CD200R1: variants seen among roughly 807,000 people sequenced by gnomAD.
CD200R1 encodes the protein cell surface glycoprotein CD200 receptor 1.
Under a neutral mutation model 38.1 loss-of-function variants are expected in CD200R1, and 30 were observed. The ratio of observed to expected loss-of-function variants is 0.79; its 90% CI spans 0.59 to 1.07. The LOEUF (loss-of-function observed/expected upper bound fraction) is 1.07. Among genes scored for constraint, CD200R1 ranks in the 50% least tolerant of loss-of-function variants. The pLI, the probability that CD200R1 is intolerant of heterozygous loss-of-function variation, is 0.00. For missense variants in CD200R1, 372 were observed against 415.4 expected (o/e 0.90, Z 0.91); for synonymous variants, 128 against 152.1 (o/e 0.84, Z 1.16).
At chr3:112,932,428 A>G (rs1228634728) in intron 2 of CD200R1, among the ~76,000 whole-genome samples, 2 of 152,036 alleles carry the variant, frequency 1.3e-5, no homozygotes, top group African/African-American at 4.8e-5. Flanking sequence ...CCTGAAGGGG[A>G]GAGGACCCAG....
intron 6 of CD200R1, 83 bp from the exon 7 acceptor site, chr3:112,924,618 T>C (rs986632012): frequency 1.3e-6 from 1 of 795,578 alleles, no homozygotes; most frequent in East Asian, 3.9e-5. Context: ...AGTATACTAT[T>C]GACAATTGTG....
intron 1 of CD200R1, among the ~76,000 whole-genome samples, chr3:112,955,641 T>G (rs1040095050): frequency 3.9e-5 from 6 of 151,958 alleles, no homozygotes; most frequent in African/African-American, 1.5e-4. Flanking sequence ...CCCGAGTAGC[T>G]GGGATTACAG....
chr3:112,954,524 A>C (rs2107332060), intron 1 of CD200R1, among the ~76,000 whole-genome samples: 1 of 152,278 alleles, frequency 6.6e-6, no homozygotes, highest in South Asian at 2.1e-4. Context: ...GCATGACTAG[A>C]GGGTTGACTT....
intron 1 of CD200R1, among the ~76,000 whole-genome samples, chr3:112,963,790 C>A (rs1171936152): frequency 1.3e-5 from 2 of 152,132 alleles, no homozygotes; most frequent in African/African-American, 4.8e-5. Flanking sequence ...GAATGTTAAT[C>A]CCCAAGACAA....
chr3:112,973,136 C>A (rs1457160707), intron 1 of CD200R1, among the ~76,000 whole-genome samples: 2 of 152,152 alleles, frequency 1.3e-5, no homozygotes, highest in Non-Finnish European at 2.9e-5. Flanking sequence ...ATGTTTTAAT[C>A]ATTTTTTTTC....
rs1010354420 is a variant in CD200R1 at position 112,928,823 on chromosome 3, T to C, written c.762A>G (p.Leu254=). The C allele has an allele frequency of 3.1e-6, 5 of 1,609,250 alleles. No individual in the cohort carries two copies. The highest frequency in any genetic ancestry group is 4.2e-6 in the Non-Finnish European group (5 of 1,177,022). ...LTGNKSLYIE[L]LPVPGAKKSA... ...ACTAAAAGAATTACTGACCAGGAAGTAGCTCTATGTACAGACTCTTGTTGC... is the reference window on the plus strand; with the variant it reads ...ACTAAAAGAATTACTGACCAGGAAGCAGCTCTATGTACAGACTCTTGTTGC... Residue 254 remains leucine, a synonymous_variant, in exon 5 of 8, where the codon CTA becomes CTG. Transcript: ENST00000308611.
chr3:112,922,935 A>G lies in CD200R1; in HGVS notation c.*742T>C, dbSNP rs1940203814. On this transcript the variant is annotated 3_prime_UTR_variant, in exon 8 of 8. Coordinates refer to ENST00000308611, the MANE Select transcript of CD200R1 (RefSeq NM_138806.4). ...CTTTGACCTGACAATTCCACTCAAG[A>G]AAGTTATCCTACAGATATACTCAAA... The G allele has an allele frequency of 6.6e-6, 1 of 151,968 alleles. No homozygotes were observed. The highest frequency in any genetic ancestry group is 2.4e-5 in the African/African-American group (1 of 41,444). 9.4% of individuals were successfully genotyped at this position (151,968 alleles called of 1,614,324 possible).
At chr3:112,950,375 T>C (rs1021751041) in intron 1 of CD200R1, among the ~76,000 whole-genome samples, 1 of 147,296 alleles carries the variant, frequency 6.8e-6, no homozygotes, top group Non-Finnish European at 1.5e-5. Flanking sequence ...CACTCCAGCC[T>C]GGGTGACAGA....
chr3:112,954,630 A>G (rs911400987), intron 1 of CD200R1, among the ~76,000 whole-genome samples: 2 of 152,140 alleles, frequency 1.3e-5, no homozygotes, highest in Admixed American at 1.3e-4. Flanking sequence ...TTATCTAATG[A>G]AGCCTCCATA....
At chr3:112,924,261 A>G (rs1340745389) in intron 7 of CD200R1, among the ~76,000 whole-genome samples, 1 of 152,020 alleles carries the variant, frequency 6.6e-6, no homozygotes, top group Non-Finnish European at 1.5e-5. Flanking sequence ...GCCAAACATC[A>G]TATGTGTTAG....
intron 7 of CD200R1, 105 bp downstream of exon 7, chr3:112,924,385 G>C (rs1940235908): frequency 4.6e-6 from 4 of 876,896 alleles, no homozygotes; most frequent in South Asian, 8.2e-5. Context: ...AACTGTTTTA[G>C]TTTTTCAACT....
Position 112,923,443 on chromosome 3 carries a change from G to T in CD200R1, c.*234C>A. On this transcript the variant is annotated 3_prime_UTR_variant, in exon 8 of 8. Transcript: ENST00000308611. ...TGCACAATTTGAATATTTGGTCATG[G>T]GCATGTATTTTCTTTGTAATAACAT... 2 of 308,432 alleles carry T rather than the reference G, an allele frequency of 6.5e-6. No individual in the cohort carries two copies. The highest frequency in any genetic ancestry group is 1.2e-5 in the Non-Finnish European group (2 of 169,004). 19.1% of individuals were successfully genotyped at this position (308,432 alleles called of 1,614,324 possible). A position where few individuals can be genotyped will look rare whatever the true frequency, so the allele number is the denominator to read the frequency against.
chr3:112,965,771 A>G (rs6783608), intron 1 of CD200R1, among the ~76,000 whole-genome samples: 3,099 of 152,264 alleles, frequency 0.02, 113 homozygotes, highest in African/African-American at 0.071. Flanking sequence ...AAAGAAAAAA[A>G]AAAGATATTT....
intron 2 of CD200R1, among the ~76,000 whole-genome samples, chr3:112,941,434 G>A (rs373724932): frequency 4.0e-5 from 6 of 151,636 alleles, no homozygotes; most frequent in South Asian, 2.1e-4. Context: ...TTATGTGTCA[G>A]TTAAAATTAA....
intron 1 of CD200R1, among the ~76,000 whole-genome samples, chr3:112,955,772 T>A (rs1011069907): frequency 6.6e-6 from 1 of 151,812 alleles, no homozygotes; most frequent in Non-Finnish European, 1.5e-5. Context: ...AAAGTATTCA[T>A]GATTGGTAGG....
chr3:112,961,536 T>C lies in CD200R1; in HGVS notation c.67+13255A>G, dbSNP rs1303499081. Reference sequence around the variant, plus strand: ...GTTTCCTGGGATGCAGGACATTCCATGCTAAAACTAGGAAAAAAGTTCCAG... The same window carrying C: ...GTTTCCTGGGATGCAGGACATTCCACGCTAAAACTAGGAAAAAAGTTCCAG... On this transcript the variant is annotated intron_variant, in intron 1 of 7. Transcript: ENST00000308611. Among the ~76,000 whole-genome samples, 3 of 152,038 alleles carry C rather than the reference T, an allele frequency of 2.0e-5. No homozygotes were observed. In the East Asian group the frequency reaches 5.8e-4, roughly 29 times the overall value.
chr3:112,958,008 G>T (rs1359818777), intron 1 of CD200R1, among the ~76,000 whole-genome samples: 2 of 152,156 alleles, frequency 1.3e-5, no homozygotes, highest in Non-Finnish European at 2.9e-5. Flanking sequence ...AGAATGTGGA[G>T]AAATTAAAAC....
intron 2 of CD200R1, among the ~76,000 whole-genome samples, chr3:112,945,292 A>G (rs1940822278): frequency 6.6e-6 from 1 of 152,242 alleles, no homozygotes; most frequent in African/African-American, 2.4e-5. Context: ...ACAAAGTTTG[A>G]GGCCTGACAC....
At chr3:112,937,016 C>T (rs1576133116) in intron 2 of CD200R1, among the ~76,000 whole-genome samples, 2 of 152,058 alleles carry the variant, frequency 1.3e-5, no homozygotes, top group Admixed American at 1.3e-4. Flanking sequence ...TTACTCTGCT[C>T]TCATGCTGCT....
Sources: allele counts gnomAD v4.1 joint callset (sites outside exome capture counted in the v4.1 genomes callset), GRCh38; gene constraint gnomAD v4.1.1; transcripts MANE v1.5; gene names NCBI Gene and HGNC (gene_info 2026-07-23, HGNC 2026-07-21).